TRMT44: variants seen among roughly 807,000 people sequenced by gnomAD.
The protein encoded by TRMT44 is tRNA methyltransferase 44 homolog, also known as probable tRNA (uracil-O(2)-)-methyltransferase.
In TRMT44, 78 loss-of-function variants were observed where a neutral mutation model predicts 77.3. The ratio of observed to expected loss-of-function variants is 1.01; its 90% CI spans 0.84 to 1.22. TRMT44 has a LOEUF of 1.22. Ranked by LOEUF, TRMT44 falls within the 50% of genes most tolerant of loss-of-function variation. The pLI is 0.00. For synonymous variants in TRMT44, 391 were observed against 383.3 expected, an observed-to-expected ratio of 1.02 and a Z score of -0.23; for missense variants, 1,090 against 964.4, an observed-to-expected ratio of 1.13 and a Z score of -1.73.
chr4:8,499,812 G>T, the TRMT44 span, among the ~76,000 whole-genome samples: 1 of 152,138 alleles, frequency 6.6e-6, no homozygotes, highest in Non-Finnish European at 1.5e-5. Flanking sequence ...AAAACTGTCA[G>T]ATGCTACACT....
chr4:8,450,650 G>A (rs1188866711), intron 3 of TRMT44, among the ~76,000 whole-genome samples: 1 of 152,136 alleles, frequency 6.6e-6, no homozygotes, highest in African/African-American at 2.4e-5. Context: ...CCGAATTGGG[G>A]GCGGGTTCCC....
the TRMT44 span, among the ~76,000 whole-genome samples, chr4:8,503,097 C>T: frequency 1.3e-5 from 2 of 152,344 alleles, no homozygotes; most frequent in African/African-American, 4.8e-5. Flanking sequence ...GGCTGCTTTC[C>T]CACTGGGTCT....
chr4:8,463,867 T>G, intron 6 of TRMT44, 118 bp from the exon 7 acceptor site: 2 of 779,950 alleles, frequency 2.6e-6, no homozygotes, highest in Non-Finnish European at 4.2e-6. Flanking sequence ...ATGCAGCAGG[T>G]GAACTGCGGC....
In TRMT44 at chr4:8,440,953, A is replaced by G. The variant is rs1314170271; in HGVS notation, c.131A>G (p.Glu44Gly). The G allele has an allele frequency of 6.5e-7, 1 of 1,529,108 alleles. No individual in the cohort carries two copies. Among genetic ancestry groups the G allele is most frequent in the African/African-American group, 1.4e-5 (1 of 72,350 alleles). The allele number at this position is 1,529,108 out of a possible 1,614,324, so 94.7% of individuals were successfully genotyped here. The change falls in exon 1 of 11, where the codon GAG becomes GGG. Residue 44 changes from glutamate (E) to glycine (G), a missense_variant. By Grantham distance (98) the Glu-to-Gly change is moderately conservative. Transcript: ENST00000389737. ...ANKRLCGARL[E>G]ARWSAALPCA... ...AAACGGCTTTGCGGCGCCCGCCTGG[A>G]GGCCCGCTGGAGCGCCGCCCTGCCC...
At chr4:8,515,082 C>T in the TRMT44 span, among the ~76,000 whole-genome samples, 1 of 152,330 alleles carries the variant, frequency 6.6e-6, no homozygotes, top group East Asian at 1.9e-4. Context: ...CGTCCTAACT[C>T]AGCCTCCCTA....
At chr4:8,449,917 T>TC in intron 3 of TRMT44, 29 bp downstream of exon 3, 1 of 1,196,784 alleles carries the variant, frequency 8.4e-7, no homozygotes. Flanking sequence ...ATCTGATTTT[T>TC]CCCCCTTCAT....
rs143347125 is a variant in TRMT44 at position 8,464,349 on chromosome 4, G to A, written c.1310+258G>A. Among the ~76,000 whole-genome samples the A allele has an allele frequency of 3.8e-3, 574 of 152,194 alleles. 3 individuals are homozygous for A. The highest frequency in any genetic ancestry group is 0.013 in the African/African-American group (545 of 41,526). ...AGATTGTTCACATTATATCTCTGTT[G>A]GCCAGCACTGATTGGCACTGTGATT... On this transcript the variant is annotated intron_variant, in intron 7 of 10. Transcript: ENST00000389737.
the TRMT44 span, among the ~76,000 whole-genome samples, chr4:8,506,434 A>G: frequency 1.3e-5 from 2 of 152,204 alleles, no homozygotes; most frequent in Non-Finnish European, 2.9e-5. Flanking sequence ...AAAAACAAAG[A>G]AGCCCTCAGC....
At position 8,485,301 on chromosome 4, in the gene TRMT44, G is replaced by C. The variant is rs1048234382; in HGVS notation, n.3891+5768G>C. 2.0e-5 allele frequency among the ~76,000 whole-genome samples: 3 copies of C among 152,186 alleles called. No individual in the cohort carries two copies. In the East Asian group the frequency reaches 5.8e-4, roughly 29 times the overall value. ...ATAGTGAGTTGTGGAGGGAGGTATT[G>C]AGGACAAAAGAATGTACGGGTTGGG... On this transcript the variant is annotated intron_variant and non_coding_transcript_variant, in intron 2 of 2. Transcript: ENST00000511366.
intron 2 of TRMT44, among the ~76,000 whole-genome samples, chr4:8,485,928 G>GC (rs1298785524): frequency 6.6e-6 from 1 of 152,136 alleles, no homozygotes; most frequent in Non-Finnish European, 1.5e-5. Context: ...GGAGTGGGTA[G>GC]CCCCCGTATC....
Position 8,468,625 on chromosome 4 carries a change from C to T in TRMT44, c.1927+279C>T, listed in dbSNP as rs879388892. 19 of 565,282 alleles carry T rather than the reference C, an allele frequency of 3.4e-5. No individual in the cohort carries two copies. In the Admixed American group the frequency reaches 4.2e-4, roughly 12 times the overall value. 35.0% of individuals were successfully genotyped at this position (565,282 alleles called of 1,614,324 possible). On this transcript the variant is annotated intron_variant, in intron 9 of 10. Transcript: ENST00000389737. Reference sequence around the variant, plus strand: ...TGCAGGTTTAGGGGCTAGAACTACTCATTTTCAATCTAGAAATTATCCAAA... The same window carrying T: ...TGCAGGTTTAGGGGCTAGAACTACTTATTTTCAATCTAGAAATTATCCAAA...
chr4:8,452,305 C>G lies in TRMT44; in HGVS notation c.1023+277C>G. ...GTCATCGTGGAGGCACCGGCTGGCA[C>G]AGGGAAGCACTGAGGAACACGTGTC... is the stretch of plus-strand genomic sequence containing the variant. On this transcript the variant is annotated intron_variant, in intron 4 of 10. Transcript: ENST00000389737. The surrounding 1 kb of genome is among the most constrained non-coding windows in gnomAD (Gnocchi z 5.7). Among the ~76,000 whole-genome samples the G allele has an allele frequency of 6.6e-6, 1 of 152,372 alleles. No homozygotes were observed. The highest frequency in any genetic ancestry group is 6.5e-5 in the Admixed American group (1 of 15,308).
At chr4:8,456,332 C>T (rs1725809132) in intron 6 of TRMT44, among the ~76,000 whole-genome samples, 1 of 152,182 alleles carries the variant, frequency 6.6e-6, no homozygotes, top group Admixed American at 6.5e-5. Flanking sequence ...TATTTTTCAA[C>T]GTGTTTGGTG....
At chr4:8,502,141 C>G in the TRMT44 span, among the ~76,000 whole-genome samples, 1,112 of 152,324 alleles carry the variant, frequency 7.3e-3, 13 homozygotes, top group African/African-American at 0.025. Context: ...AAAACGGGGG[C>G]TCCTGTTGAT....
In TRMT44 at chr4:8,461,626, C is replaced by A. The variant is rs1473391670; in HGVS notation, c.1204-2359C>A. ...GTCATCTGACCTGGGGAAGACCCTA[C>A]CCCGAGCACTTAGTCAGGAAAGGCC... On this transcript the variant is annotated intron_variant, in intron 6 of 10. Transcript: ENST00000389737. This position sits in a 1 kb window ranked among gnomAD's most constrained non-coding sequence, Gnocchi z 4.6. Among the ~76,000 whole-genome samples the A allele has an allele frequency of 2.6e-5, 4 of 152,122 alleles. No homozygotes were observed. The highest frequency in any genetic ancestry group is 9.7e-5 in the African/African-American group (4 of 41,404).
chr4:8,468,626 AT>A, intron 9 of TRMT44: 1 of 563,776 alleles, frequency 1.8e-6, no homozygotes, highest in East Asian at 2.8e-5. Context: ...AGAACTACTC[AT>A]TTTCAATCTA....
At chr4:8,489,513 G>A (rs1727926810) in intron 2 of TRMT44, among the ~76,000 whole-genome samples, 1 of 152,026 alleles carries the variant, frequency 6.6e-6, no homozygotes, top group Non-Finnish European at 1.5e-5. Context: ...GTTTCACTCT[G>A]TCACCCAGGC....
At position 8,488,783 on chromosome 4, in the gene TRMT44, G is replaced by C. The variant is rs7654971; in HGVS notation, n.3892-4483G>C. Reference sequence around the variant, plus strand: ...CCACAGTTGCATCAGTGCCTTCTCGGCAGACTCTTCAGCTGAAGCTATAGC... The same window carrying C: ...CCACAGTTGCATCAGTGCCTTCTCGCCAGACTCTTCAGCTGAAGCTATAGC... On this transcript the variant is annotated intron_variant and non_coding_transcript_variant, in intron 2 of 2. Coordinates refer to the TRMT44 transcript ENST00000511366. 3.4e-3 allele frequency among the ~76,000 whole-genome samples: 518 copies of C among 152,280 alleles called. 2 individuals carry two copies. Among genetic ancestry groups the C allele is most frequent in the African/African-American group, 0.012 (497 of 41,542 alleles).
chr4:8,464,329 G>T (rs1447021322), intron 7 of TRMT44, among the ~76,000 whole-genome samples: 1 of 152,128 alleles, frequency 6.6e-6, no homozygotes, highest in Non-Finnish European at 1.5e-5. Flanking sequence ...TACTGAGATT[G>T]TTCACATTAT....
Sources: gnomAD v4.1 joint callset for allele counts (sites outside exome capture counted in the v4.1 genomes callset) on GRCh38, gnomAD v4.1.1 for gene constraint, Gnocchi (gnomAD v3.1) non-coding constraint, MANE v1.5 for transcripts, NCBI Gene and HGNC (gene_info 2026-07-23, HGNC 2026-07-21) for gene names.